KIF21A: variants seen among roughly 807,000 people sequenced by gnomAD.
KIF21A encodes kinesin family member 21A, also known as kinesin-like protein KIF21A.
Under a neutral mutation model 202.9 loss-of-function variants are expected in KIF21A, and 114 were observed. The ratio of observed to expected loss-of-function variants is 0.56; its 90% CI spans 0.48 to 0.66. The LOEUF is 0.66. Among genes scored for constraint, KIF21A ranks in the 30% least tolerant of loss-of-function variants. KIF21A has a pLI of 0.00. For missense variants in KIF21A, 1,677 were observed against 1,994.9 expected (o/e 0.84, Z 3.04); for synonymous variants, 667 against 670.8 (o/e 0.99, Z 0.09).
At chr12:39,360,124 A>G (rs992904581) in intron 7 of KIF21A, among the ~76,000 whole-genome samples, 4 of 152,212 alleles carry the variant, frequency 2.6e-5, no homozygotes, top group Non-Finnish European at 5.9e-5. Context: ...TATAGGGAAA[A>G]CATCATATAT....
At chr12:39,375,539 C>T (rs1208386833) in intron 1 of KIF21A, among the ~76,000 whole-genome samples, 1 of 152,084 alleles carries the variant, frequency 6.6e-6, no homozygotes, top group African/African-American at 2.4e-5. Flanking sequence ...AATCCATAAG[C>T]TCAATGTTTC....
chr12:39,338,303 GAAAA>G (rs1947153365), intron 16 of KIF21A, among the ~76,000 whole-genome samples: 1 of 152,004 alleles, frequency 6.6e-6, no homozygotes, highest in Non-Finnish European at 1.5e-5. Flanking sequence ...ATGATATAAA[GAAAA>G]AATATTTTTG....
At chr12:39,382,060 C>T (rs1054933671) in intron 1 of KIF21A, among the ~76,000 whole-genome samples, 3 of 152,324 alleles carry the variant, frequency 2.0e-5, no homozygotes, top group Middle Eastern at 3.4e-3. Context: ...CAGCAACCAT[C>T]TTTTAAAATT....
At chr12:39,416,653 A>ATGTGTG (rs1953652290) in intron 1 of KIF21A, among the ~76,000 whole-genome samples, 2 of 133,244 alleles carry the variant, frequency 1.5e-5, no homozygotes, top group African/African-American at 3.4e-5. Context: ...ATGTACATAT[A>ATGTGTG]TATGTGTATA....
chr12:39,304,688 A>T (rs996951649), intron 35 of KIF21A, 133 bp downstream of exon 35: 5 of 631,514 alleles, frequency 7.9e-6, no homozygotes, highest in Non-Finnish European at 1.1e-5. Flanking sequence ...ATGAATGAGG[A>T]AAAGATTAAA....
chr12:39,409,392 A>C (rs2140018305), intron 1 of KIF21A, among the ~76,000 whole-genome samples: 1 of 151,222 alleles, frequency 6.6e-6, no homozygotes. Flanking sequence ...AAAAAAACAA[A>C]AAAAAAGAAA....
chr12:39,348,326 A>AT (rs1341008607), intron 11 of KIF21A, among the ~76,000 whole-genome samples: 1 of 152,152 alleles, frequency 6.6e-6, no homozygotes, highest in Non-Finnish European at 1.5e-5. Context: ...TAACTGAAAG[A>AT]TATGCCACAT....
Position 39,318,219 on chromosome 12 carries a change from C to A in KIF21A, c.3780-18G>T. ...AATCTGAGCTACAAGAAAAAAAGAA[C>A]ATTAAGTAGGTGGCTTTAATTGGTT... is the stretch of plus-strand genomic sequence containing the variant. On this transcript the variant is annotated intron_variant, in intron 28 of 37. Transcript: ENST00000361418. 6.2e-7 allele frequency: 1 copy of A among 1,611,092 alleles called. No homozygotes were observed. The highest frequency in any genetic ancestry group is 1.1e-5 in the South Asian group (1 of 91,020).
At chr12:39,392,358 A>G (rs1458460923) in intron 1 of KIF21A, among the ~76,000 whole-genome samples, 4 of 152,072 alleles carry the variant, frequency 2.6e-5, no homozygotes, top group Admixed American at 1.3e-4. Context: ...CTCAACCATC[A>G]TTCTCCCAAC....
At chr12:39,347,952 G>A (rs763932718) in intron 11 of KIF21A, among the ~76,000 whole-genome samples, 1 of 151,942 alleles carries the variant, frequency 6.6e-6, no homozygotes, top group Non-Finnish European at 1.5e-5. Flanking sequence ...TCTACTCTAC[G>A]CCTATACTAA....
chr12:39,340,025 T>C, intron 16 of KIF21A, 140 bp downstream of exon 16: 1 of 696,318 alleles, frequency 1.4e-6, no homozygotes, highest in South Asian at 1.9e-5. Context: ...AACTTCTAAT[T>C]GCCAAAGGAA....
At chr12:39,388,727 A>C (rs1951129677) in intron 1 of KIF21A, among the ~76,000 whole-genome samples, 3 of 152,214 alleles carry the variant, frequency 2.0e-5, no homozygotes, top group Admixed American at 2.0e-4. Flanking sequence ...CATTTGTTGT[A>C]AAGATATATC....
intron 1 of KIF21A, among the ~76,000 whole-genome samples, chr12:39,391,165 T>G (rs1031827842): frequency 6.6e-6 from 1 of 152,182 alleles, no homozygotes; most frequent in African/African-American, 2.4e-5. Flanking sequence ...GAGTATCCTG[T>G]GCTGTGCAAA....
intron 1 of KIF21A, among the ~76,000 whole-genome samples, chr12:39,441,680 A>AAAAAAAAT (rs71075060): frequency 2.0e-5 from 3 of 148,178 alleles, no homozygotes; most frequent in African/African-American, 7.4e-5. Context: ...AAAAAAAAAA[A>AAAAAAAAT]CACTTAAAAA....
At chr12:39,413,992 A>G (rs1346744005) in intron 1 of KIF21A, among the ~76,000 whole-genome samples, 10 of 152,208 alleles carry the variant, frequency 6.6e-5, no homozygotes, top group Admixed American at 3.9e-4. Context: ...TTACTTGTTG[A>G]AGCTAGTGAA....
chr12:39,350,324 CA>C (rs957502216), intron 11 of KIF21A, among the ~76,000 whole-genome samples: 30 of 151,936 alleles, frequency 2.0e-4, no homozygotes, highest in African/African-American at 7.0e-4. Flanking sequence ...TCATATTCAA[CA>C]GGTGATTAAG....
chr12:39,367,008 GAAATTAGAA>G lies in KIF21A; in HGVS notation c.735+13_735+21del. 6.2e-7 allele frequency: 1 copy of G among 1,608,566 alleles called. No homozygotes were observed. Among genetic ancestry groups the G allele is most frequent in the Non-Finnish European group, 8.5e-7 (1 of 1,175,044 alleles). On this transcript the variant is annotated intron_variant, in intron 5 of 37. Coordinates refer to ENST00000361418, the MANE Select transcript of KIF21A (RefSeq NM_001173464.2). ...AGGGAGATAAAAATTGAAAGTTTAA[GAAATTAGAA>G]TTAATAACTCACAGCATCTATTTGG...
chr12:39,353,828 G>A (rs184925701), intron 10 of KIF21A, among the ~76,000 whole-genome samples: 59 of 152,116 alleles, frequency 3.9e-4, no homozygotes, highest in Non-Finnish European at 6.5e-4. Context: ...CTTTTTGTAT[G>A]GCCTACAGGG....
chr12:39,375,876 A>T (rs1950239708), intron 1 of KIF21A, among the ~76,000 whole-genome samples: 1 of 152,126 alleles, frequency 6.6e-6, no homozygotes, highest in Admixed American at 6.6e-5. Context: ...AAATATTATA[A>T]TATTATTGCC....
Sources: gnomAD v4.1 joint callset for allele counts (sites outside exome capture counted in the v4.1 genomes callset) on GRCh38, gnomAD v4.1.1 for gene constraint, MANE v1.5 for transcripts, NCBI Gene and HGNC (gene_info 2026-07-23, HGNC 2026-07-21) for gene names.